The following CREM variants were observed in gnomAD, a reference collection of about 807,000 sequenced individuals.
The protein encoded by CREM is cAMP responsive element modulator, also known as cAMP-responsive element modulator.
A neutral mutation model predicts 37.3 loss-of-function variants in CREM; 13 were observed. The observed-to-expected ratio is 0.35, with a 90% CI of 0.23 to 0.55. The LOEUF (loss-of-function observed/expected upper bound fraction) is 0.55, where lower values mean the gene tolerates loss of function less well. Ranked by LOEUF, CREM falls within the 20% of genes least tolerant of loss-of-function variation. The pLI, the probability that CREM is intolerant of heterozygous loss-of-function variation, is 0.88. For synonymous variants in CREM, 124 were observed against 120.2 expected (o/e 1.03, Z -0.21); for missense variants, 296 against 362.3 (o/e 0.82, Z 1.49).
At chr10:35,187,162 A>G (rs1375649916) in intron 5 of CREM, among the ~76,000 whole-genome samples, 1 of 59,666 alleles carries the variant, frequency 1.7e-5, no homozygotes, top group Non-Finnish European at 3.2e-5. Context: ...TATAATATAT[A>G]TTATATATTA....
At chr10:35,147,049 T>G (rs1256568489) in intron 2 of CREM, among the ~76,000 whole-genome samples, 1 of 71,318 alleles carries the variant, frequency 1.4e-5, no homozygotes, top group African/African-American at 3.8e-5. Context: ...GGGTTTTTTT[T>G]TTTTTTTTTT....
Position 35,211,955 on chromosome 10 carries a change from TAA to T in CREM, c.*558_*559del. ...CCTAAAATGCTTCACTGTACGTAGT[TAA>T]GTCGTAGCTATAACTTCAAATTTTT... On this transcript the variant is annotated 3_prime_UTR_variant, in exon 8 of 8. Coordinates refer to ENST00000685392, the MANE Select transcript of CREM (RefSeq NM_183011.2). The T allele has an allele frequency of 1.4e-6, 1 of 736,564 alleles. No homozygotes were observed. 45.6% of individuals were successfully genotyped at this position (736,564 alleles called of 1,614,324 possible).
At chr10:35,138,509 A>G (rs2090946695) in intron 2 of CREM, among the ~76,000 whole-genome samples, 6 of 151,794 alleles carry the variant, frequency 4.0e-5, no homozygotes. Context: ...AAAATTGGAT[A>G]CAACTAAAAT....
intron 6 of CREM, chr10:35,196,102 A>C (rs1331604129): frequency 6.2e-7 from 1 of 1,614,040 alleles, no homozygotes; most frequent in African/African-American, 1.3e-5. Context: ...GCTTAGTGGT[A>C]AGATCGAGCC....
intron 2 of CREM, among the ~76,000 whole-genome samples, chr10:35,147,141 C>T (rs537393041): frequency 2.0e-5 from 3 of 149,586 alleles, no homozygotes; most frequent in Non-Finnish European, 4.4e-5. Flanking sequence ...AGCTCTGCCT[C>T]CTGGGTTCAC....
At chr10:35,142,559 T>TC (rs2091571775) in intron 2 of CREM, among the ~76,000 whole-genome samples, 1 of 152,156 alleles carries the variant, frequency 6.6e-6, no homozygotes, top group Non-Finnish European at 1.5e-5. Context: ...GGAGGCAAAC[T>TC]CCATCAGTTT....
At position 35,211,832 on chromosome 10, in the gene CREM, A is replaced by G. The variant is rs2095669294; in HGVS notation, c.*434A>G. The G allele has an allele frequency of 6.3e-7, 1 of 1,576,194 alleles. No individual in the cohort carries two copies. Among genetic ancestry groups the G allele is most frequent in the Non-Finnish European group, 8.6e-7 (1 of 1,163,410 alleles). Reference sequence around the variant, plus strand: ...TATTTAACTATGAACTGAAGGCAGCATGTATAGTTGCTTTTGAAGGAATAC... The same window carrying G: ...TATTTAACTATGAACTGAAGGCAGCGTGTATAGTTGCTTTTGAAGGAATAC... On this transcript the variant is annotated 3_prime_UTR_variant, in exon 8 of 8. Coordinates refer to ENST00000685392, the MANE Select transcript of CREM (RefSeq NM_183011.2).
chr10:35,209,182 T>G, intron 7 of CREM: 5 of 402,160 alleles, frequency 1.2e-5, no homozygotes, highest in Non-Finnish European at 1.7e-5. Context: ...CCTGGGGAAG[T>G]GTGAGGCTTT....
At chr10:35,145,982 T>C (rs1043025033) in intron 2 of CREM, among the ~76,000 whole-genome samples, 1 of 152,212 alleles carries the variant, frequency 6.6e-6, no homozygotes, top group African/African-American at 2.4e-5. Flanking sequence ...TTCTCGTTAA[T>C]TCTGATGCGA....
In CREM at chr10:35,211,999, T is replaced by TA. The variant is rs1184462949; in HGVS notation, c.*607dup. On this transcript the variant is annotated 3_prime_UTR_variant, in exon 8 of 8. Coordinates refer to ENST00000685392, the MANE Select transcript of CREM (RefSeq NM_183011.2). ...CAAATTTTTTAAAAGAGACAAACTG[T>TA]AAAAAATGTGTGTATTCTTAAAATG... 1 of 476,104 alleles carries TA rather than the reference T, an allele frequency of 2.1e-6. No individual in the cohort carries two copies. Among genetic ancestry groups the TA allele is most frequent in the Admixed American group, 3.9e-5 (1 of 25,526 alleles). The allele number at this position is 476,104 out of a possible 1,614,324, so 29.5% of individuals were successfully genotyped here. A position where few individuals can be genotyped will look rare whatever the true frequency, so the allele number is the denominator to read the frequency against.
rs781747270 is a variant in CREM, at chr10:35,195,158, AAACAAGACAGTTCTGTCTGC to A, written c.598+6772_598+6791del. The A allele has an allele frequency of 1.2e-5, 19 of 1,612,878 alleles. No homozygotes were observed. The African/African-American group carries it at 2.4e-4, about 20-fold the overall frequency. ...ACTTTATGTTGAACTGTGGTAGAGG[AAACAAGACAGTTCTGTCTGC>A]AGAAGCCCATTATGGCTGTAACTGG... On this transcript the variant is annotated intron_variant, in intron 6 of 7. Coordinates refer to ENST00000685392, the MANE Select transcript of CREM (RefSeq NM_183011.2).
chr10:35,140,287 C>T (rs1023656843), intron 2 of CREM, among the ~76,000 whole-genome samples: 1 of 152,080 alleles, frequency 6.6e-6, no homozygotes, highest in African/African-American at 2.4e-5. Flanking sequence ...AGTGAGATTG[C>T]GACAACAATT....
intron 1 of CREM, among the ~76,000 whole-genome samples, chr10:35,130,147 G>T (rs1222548894): frequency 3.1e-5 from 4 of 128,094 alleles, no homozygotes; most frequent in Non-Finnish European, 6.2e-5. Context: ...AGTGAGCCAA[G>T]ATCAAGCCAT....
chr10:35,178,007 C>G (rs192453636), intron 3 of CREM, among the ~76,000 whole-genome samples: 97 of 152,188 alleles, frequency 6.4e-4, no homozygotes, highest in African/African-American at 2.2e-3. Context: ...CCGTGTACTT[C>G]GGGAAGTATA....
intron 3 of CREM, among the ~76,000 whole-genome samples, chr10:35,162,519 C>A (rs1337212368): frequency 6.6e-6 from 1 of 152,134 alleles, no homozygotes; most frequent in Non-Finnish European, 1.5e-5. Flanking sequence ...TCATGTTGTA[C>A]ATGATAAATG....
At chr10:35,178,570 G>A (rs1227974480) in intron 3 of CREM, among the ~76,000 whole-genome samples, 1 of 152,142 alleles carries the variant, frequency 6.6e-6, no homozygotes, top group African/African-American at 2.4e-5. Context: ...GAGGAGCTTA[G>A]GTCTTGGGTA....
chr10:35,139,631 A>C (rs2091148586), intron 2 of CREM, among the ~76,000 whole-genome samples: 2 of 152,178 alleles, frequency 1.3e-5, no homozygotes, highest in African/African-American at 4.8e-5. Context: ...TTAAGATTAA[A>C]ATACTACATA....
At chr10:35,197,492 G>T (rs12762891) in intron 6 of CREM, among the ~76,000 whole-genome samples, 1 of 149,858 alleles carries the variant, frequency 6.7e-6, no homozygotes. Flanking sequence ...TCGCTCTGTC[G>T]CCCAGGCTGG....
intron 3 of CREM, chr10:35,171,208 G>A (rs2093804805): frequency 8.8e-6 from 1 of 113,288 alleles, no homozygotes; most frequent in African/African-American, 3.5e-5. Flanking sequence ...GTCTCGCTCT[G>A]TCATCCAGGC....
Sources: gnomAD v4.1 joint callset for allele counts (sites outside exome capture counted in the v4.1 genomes callset) on GRCh38, gnomAD v4.1.1 for gene constraint, MANE v1.5 for transcripts, NCBI Gene and HGNC (gene_info 2026-07-23, HGNC 2026-07-21) for gene names.